The following SMARCA4 variants were observed in gnomAD, a reference collection of about 807,000 sequenced individuals.
The protein encoded by SMARCA4 is SWI/SNF-related matrix-associated actin-dependent regulator of chromatin subfamily A member 4.
Under a neutral mutation model 193.9 loss-of-function variants are expected in SMARCA4, and 31 were observed. That is an observed-to-expected ratio of 0.16 (90% CI 0.12 to 0.22). The LOEUF (loss-of-function observed/expected upper bound fraction) is 0.22, where lower values mean the gene tolerates loss of function less well. SMARCA4 is among the 10% of genes least tolerant of loss of function. SMARCA4 has a pLI of 1.00. For synonymous variants in SMARCA4, 942 were observed against 933.1 expected (o/e 1.01, Z -0.17); for missense variants, 1,148 against 2,296.0 (o/e 0.50, Z 10.22).
chr19:10,989,065 A>G (rs2086317035), intron 6 of SMARCA4, among the ~76,000 whole-genome samples: 1 of 152,208 alleles, frequency 6.6e-6, no homozygotes, highest in Non-Finnish European at 1.5e-5. Context: ...CCTGGCTCAC[A>G]CCACTGAAAA....
At chr19:11,054,236 C>A (rs911389180) in intron 30 of SMARCA4, among the ~76,000 whole-genome samples, 3 of 152,228 alleles carry the variant, frequency 2.0e-5, no homozygotes, top group Non-Finnish European at 2.9e-5. Context: ...TCCTGAGTGT[C>A]CACAGACACT....
chr19:10,971,811 T>G (rs1243730116), intron 1 of SMARCA4, among the ~76,000 whole-genome samples: 3 of 150,628 alleles, frequency 2.0e-5, no homozygotes, highest in Non-Finnish European at 4.4e-5. Context: ...AGATGGAGTT[T>G]TGTTCTTGTC....
chr19:11,035,292 C>T (rs1463951391), intron 29 of SMARCA4, among the ~76,000 whole-genome samples, 160 bp downstream of exon 29: 1 of 152,244 alleles, frequency 6.6e-6, no homozygotes, highest in Non-Finnish European at 1.5e-5. Context: ...CCGATGTGGG[C>T]CAGGGATGGT....
chr19:11,051,053 G>A (rs1163485308), intron 30 of SMARCA4, among the ~76,000 whole-genome samples: 1 of 152,236 alleles, frequency 6.6e-6, no homozygotes, highest in Non-Finnish European at 1.5e-5. Context: ...GGGCTCAGGG[G>A]GCCTAAAAGT....
chr19:11,024,142 C>A (rs1299185378), intron 20 of SMARCA4, among the ~76,000 whole-genome samples, 189 bp from the exon 21 acceptor site: 3 of 152,168 alleles, frequency 2.0e-5, no homozygotes, highest in Admixed American at 2.0e-4. Context: ...GTATCTCTGC[C>A]TGGTGCTTCC....
chr19:10,982,691 AG>A, intron 1 of SMARCA4, among the ~76,000 whole-genome samples: 2 of 151,828 alleles, frequency 1.3e-5, no homozygotes, highest in South Asian at 4.2e-4. Context: ...TTTTTAGTAG[AG>A]ACAGGGTTTC....
chr19:11,030,578 C>G lies in SMARCA4; in HGVS notation c.3383-152C>G, dbSNP rs568239325. On this transcript the variant is annotated intron_variant, in intron 24 of 34. Coordinates refer to ENST00000344626, the MANE Select transcript of SMARCA4 (RefSeq NM_003072.5). The surrounding 1 kb of genome is among the most constrained non-coding windows in gnomAD (Gnocchi z 5.5). ...GGAAATCCAGTTATTCGCCAGTGGC[C>G]CACAGGCCCGTGTGGAGAGTGCGGA... 2.9e-6 allele frequency: 2 copies of G among 697,772 alleles called. No homozygotes were observed. Among genetic ancestry groups the G allele is most frequent in the African/African-American group, 1.8e-5 (1 of 56,702 alleles). 43.2% of individuals were successfully genotyped at this position (697,772 alleles called of 1,614,324 possible). A position where few individuals can be genotyped will look rare whatever the true frequency, so the allele number is the denominator to read the frequency against.
chr19:11,043,747 G>A (rs2075748074), intron 30 of SMARCA4, among the ~76,000 whole-genome samples: 1 of 152,232 alleles, frequency 6.6e-6, no homozygotes, highest in Admixed American at 6.5e-5. Context: ...GCTGAGGTGG[G>A]CGGATCACTT....
At position 11,041,168 on chromosome 19, in the gene SMARCA4, C is replaced by T; in HGVS notation, c.4171-139C>T. The T allele has an allele frequency of 2.2e-6, 2 of 890,188 alleles. No individual in the cohort carries two copies. The highest frequency in any genetic ancestry group is 1.7e-5 in the African/African-American group (1 of 60,176). 55.1% of individuals were successfully genotyped at this position (890,188 alleles called of 1,614,324 possible). A position where few individuals can be genotyped will look rare whatever the true frequency, so the allele number is the denominator to read the frequency against. On this transcript the variant is annotated intron_variant, in intron 29 of 34. Coordinates refer to ENST00000344626, the MANE Select transcript of SMARCA4 (RefSeq NM_003072.5). The surrounding 1 kb of genome is among the most constrained non-coding windows in gnomAD (Gnocchi z 5.6). ...TTGAGAGTCCCAGTGTGTGTTATGC[C>T]CCGAGCCAGTCAAGCTGAAGGGAGA...
Position 11,041,396 on chromosome 19 carries a change from C to T in SMARCA4, c.4260C>T (p.Gly1420=), listed in dbSNP as rs766540716. Residue 1420 remains glycine (G), a synonymous_variant, in exon 30 of 35, where the codon GGC becomes GGT. Transcript: ENST00000344626. This position sits in a 1 kb window ranked among gnomAD's most constrained non-coding sequence, Gnocchi z 5.6. ...AGCGCAAGCGAGACAGCGACGCCGG[C>T]TCCTCCACCCCGACCACCAGCACCC... ...SRKRKRDSDA[G]SSTPTTSTRS... 6.8e-6 allele frequency: 11 copies of T among 1,612,596 alleles called. No homozygotes were observed. Among genetic ancestry groups the T allele is most frequent in the Non-Finnish European group, 9.3e-6 (11 of 1,179,968 alleles).
chr19:11,041,264 C>T lies in SMARCA4; in HGVS notation c.4171-43C>T, dbSNP rs1424942678. On this transcript the variant is annotated intron_variant, in intron 29 of 34. Transcript: ENST00000344626. This position sits in a 1 kb window ranked among gnomAD's most constrained non-coding sequence, Gnocchi z 5.6. Reference sequence around the variant, plus strand: ...TTGCGTCGCGGCCTCTGCTTGTCGACCTGGGTGCTGGCTGTCCTATTTTAC... The same window carrying T: ...TTGCGTCGCGGCCTCTGCTTGTCGATCTGGGTGCTGGCTGTCCTATTTTAC... 1.9e-6 allele frequency: 3 copies of T among 1,572,998 alleles called. No homozygotes were observed. The South Asian group carries it at 3.4e-5, about 18-fold the overall frequency.
intron 1 of SMARCA4, among the ~76,000 whole-genome samples, chr19:10,979,400 C>T (rs950351594): frequency 2.0e-4 from 30 of 151,368 alleles, no homozygotes; most frequent in Admixed American, 4.0e-4. Flanking sequence ...CATGGTGACC[C>T]TGTGTGATTG....
At chr19:11,018,809 C>G (rs2089604477) in intron 16 of SMARCA4, 148 bp from the exon 17 acceptor site, 11 of 775,528 alleles carry the variant, frequency 1.4e-5, no homozygotes, top group Non-Finnish European at 2.6e-5. Context: ...CTCCCTCCCT[C>G]CCTCAGCTGC....
At chr19:11,043,635 T>C (rs1888596518) in intron 30 of SMARCA4, among the ~76,000 whole-genome samples, 1 of 151,566 alleles carries the variant, frequency 6.6e-6, no homozygotes, top group South Asian at 2.1e-4. Flanking sequence ...TCCTGGGTGA[T>C]GGAATGAGAC....
chr19:11,049,790 C>T (rs1474463527), intron 30 of SMARCA4, among the ~76,000 whole-genome samples: 2 of 152,220 alleles, frequency 1.3e-5, no homozygotes, highest in Non-Finnish European at 2.9e-5. Context: ...AGTGATAGGG[C>T]AGAGATGCTG....
intron 1 of SMARCA4, among the ~76,000 whole-genome samples, chr19:10,968,076 C>G (rs1322717810): frequency 1.3e-5 from 2 of 151,416 alleles, no homozygotes; most frequent in Non-Finnish European, 2.9e-5. Context: ...TGGTCTTGAT[C>G]TCCTGACCTC....
intron 16 of SMARCA4, 134 bp downstream of exon 16, chr19:11,013,246 TC>T: frequency 1.0e-6 from 1 of 984,974 alleles, no homozygotes; most frequent in Non-Finnish European, 1.6e-6. Context: ...AGGCCAGAAG[TC>T]CAGGGTCAAG....
In SMARCA4 at chr19:10,985,633, C is replaced by T. The variant is rs1043445785; in HGVS notation, c.355+228C>T. 6.6e-6 allele frequency among the ~76,000 whole-genome samples: 1 copy of T among 152,190 alleles called. No individual in the cohort carries two copies. Among genetic ancestry groups the T allele is most frequent in the African/African-American group, 2.4e-5 (1 of 41,452 alleles). The stretch of plus-strand genomic sequence containing the variant: ...GGGGAAATGCTGGTTGGGGGGCAGA[C>T]CATGTTCAGCATGGGTGATAGAGGA... On this transcript the variant is annotated intron_variant, in intron 3 of 34. Transcript: ENST00000344626. The surrounding 1 kb of genome is among the most constrained non-coding windows in gnomAD (Gnocchi z 4.5).
At chr19:11,002,799 C>CAAAAAAAA (rs747143883) in intron 11 of SMARCA4, among the ~76,000 whole-genome samples, 1 of 83,680 alleles carries the variant, frequency 1.2e-5, no homozygotes, top group African/African-American at 4.6e-5. Flanking sequence ...GACTCCGTCT[C>CAAAAAAAA]AAAAAAAAAA....
Sources: gnomAD v4.1 joint callset for allele counts (sites outside exome capture counted in the v4.1 genomes callset) on GRCh38, gnomAD v4.1.1 for gene constraint, Gnocchi (gnomAD v3.1) non-coding constraint, MANE v1.5 for transcripts, NCBI Gene and HGNC (gene_info 2026-07-23, HGNC 2026-07-21) for gene names.